PFKFB3: variants seen among roughly 807,000 people sequenced by gnomAD.
PFKFB3 encodes 6-phosphofructo-2-kinase/fructose-2,6-bisphosphatase 3.
Under a neutral mutation model 68.0 loss-of-function variants are expected in PFKFB3, and 33 were observed. The ratio of observed to expected loss-of-function variants is 0.49; its 90% CI spans 0.37 to 0.65. PFKFB3 has a LOEUF of 0.65. Ranked by LOEUF, PFKFB3 falls within the 30% of genes least tolerant of loss-of-function variation. The probability of loss-of-function intolerance (pLI) is 0.00; values close to 1 mark genes in which losing one functional copy is unlikely to be tolerated. For missense variants in PFKFB3, 586 were observed against 712.2 expected (o/e 0.82, Z 2.02); for synonymous variants, 315 against 288.2 (o/e 1.09, Z -0.94).
At chr10:6,280,729 G>A in the PFKFB3 span, among the ~76,000 whole-genome samples, 1 of 152,136 alleles carries the variant, frequency 6.6e-6, no homozygotes, top group African/African-American at 2.4e-5. Context: ...TAGAAGCAAG[G>A]GGGACTGTTC....
the PFKFB3 span, among the ~76,000 whole-genome samples, chr10:6,310,371 G>A: frequency 1.3e-5 from 2 of 152,078 alleles, no homozygotes; most frequent in Admixed American, 1.3e-4. Context: ...GCCAAGGTGG[G>A]AAATGGTGTC....
chr10:6,177,874 C>T (rs954605327), intron 1 of PFKFB3, among the ~76,000 whole-genome samples: 2 of 152,122 alleles, frequency 1.3e-5, no homozygotes, highest in Non-Finnish European at 2.9e-5. Context: ...ATGGTGTACA[C>T]CACTGACGGC....
chr10:6,294,143 A>G, the PFKFB3 span: 2 of 500,784 alleles, frequency 4.0e-6, no homozygotes, highest in East Asian at 5.5e-5. Context: ...CTTTATTTAA[A>G]CTCAGGCCTA....
chr10:6,281,166 C>CTCATATATATATATATATATATAT, the PFKFB3 span, among the ~76,000 whole-genome samples: 612 of 84,446 alleles, frequency 7.2e-3, 185 homozygotes, highest in South Asian at 0.017. Flanking sequence ...AGTATTCCAT[C>CTCATATATATATATATATATATAT]ATATATATAT....
At chr10:6,170,527 G>C (rs192525827) in intron 1 of PFKFB3, among the ~76,000 whole-genome samples, 1 of 152,222 alleles carries the variant, frequency 6.6e-6, no homozygotes, top group Non-Finnish European at 1.5e-5. Context: ...GGGCCACATA[G>C]ACCTCCTTCC....
chr10:6,249,199 A>G (rs75322806), intron 14 of PFKFB3, among the ~76,000 whole-genome samples: 3,400 of 146,862 alleles, frequency 0.023, 150 homozygotes, highest in African/African-American at 0.081. Context: ...AAAAAAAAAA[A>G]AAAAGAAAAG....
intron 1 of PFKFB3, among the ~76,000 whole-genome samples, chr10:6,177,534 T>A (rs1344948647): frequency 6.7e-6 from 1 of 149,806 alleles, no homozygotes; most frequent in East Asian, 1.9e-4. Context: ...CTTTTTCTTT[T>A]TTTTTTTTGA....
At chr10:6,191,071 G>A (rs1588447336) in intron 1 of PFKFB3, among the ~76,000 whole-genome samples, 1 of 152,210 alleles carries the variant, frequency 6.6e-6, no homozygotes, top group Non-Finnish European at 1.5e-5. Flanking sequence ...GGTGAGCCAC[G>A]ACACCCAGCC....
the PFKFB3 span, among the ~76,000 whole-genome samples, chr10:6,319,949 A>G: frequency 6.6e-6 from 1 of 152,200 alleles, no homozygotes; most frequent in Non-Finnish European, 1.5e-5. Context: ...CTGTAATCCT[A>G]GCACTTTGGG....
In PFKFB3 at chr10:6,222,533, C is replaced by A. The variant is rs567406763; in HGVS notation, c.1084-322C>A. 1.4e-4 allele frequency among the ~76,000 whole-genome samples: 22 copies of A among 152,332 alleles called. No homozygotes were observed. In the East Asian group the frequency reaches 4.2e-3, roughly 29 times the overall value. Reference sequence around the variant, plus strand: ...GCCCGGCCCAGCCCCGGCACCGGCCCGTCTGCTTCCTGCATCTGGATCTGC... The same window carrying A: ...GCCCGGCCCAGCCCCGGCACCGGCCAGTCTGCTTCCTGCATCTGGATCTGC... On this transcript the variant is annotated intron_variant, in intron 10 of 14. Transcript: ENST00000379775.
chr10:6,246,312 T>C (rs1199160733), intron 14 of PFKFB3, among the ~76,000 whole-genome samples: 1 of 150,262 alleles, frequency 6.7e-6, no homozygotes, highest in East Asian at 1.9e-4. Context: ...TACATTTTTA[T>C]TTTTATTTAT....
chr10:6,289,612 G>C, the PFKFB3 span, among the ~76,000 whole-genome samples: 3 of 150,638 alleles, frequency 2.0e-5, no homozygotes, highest in Admixed American at 1.3e-4. Flanking sequence ...CTGTAGCCTT[G>C]TAGTATAGTT....
chr10:6,186,843 T>C (rs1262032392), intron 1 of PFKFB3, among the ~76,000 whole-genome samples: 5 of 152,078 alleles, frequency 3.3e-5, no homozygotes, highest in Non-Finnish European at 7.4e-5. Context: ...TAGAAGGTGC[T>C]TGTTGAAAAA....
rs1846153611 is a variant in PFKFB3, at chr10:6,242,038, G to T, written c.1516-12140G>T. ...ATTTTTAAATTTTTTGTGGAGTTGG[G>T]TGTCACTATTTTGCCCAGGCTGGTC... On this transcript the variant is annotated intron_variant, in intron 14 of 14. Coordinates refer to the PFKFB3 transcript ENST00000640683. 2.6e-5 allele frequency among the ~76,000 whole-genome samples: 4 copies of T among 151,812 alleles called. No individual in the cohort carries two copies. The South Asian group carries it at 8.3e-4, about 32-fold the overall frequency.
At chr10:6,183,727 A>G (rs1022696256) in intron 1 of PFKFB3, among the ~76,000 whole-genome samples, 11 of 149,388 alleles carry the variant, frequency 7.4e-5, no homozygotes, top group Admixed American at 2.7e-4. Context: ...TCGCTCTGTC[A>G]CCCAGGCTGG....
the PFKFB3 span, among the ~76,000 whole-genome samples, chr10:6,313,420 C>T: frequency 4.6e-5 from 7 of 152,198 alleles, no homozygotes; most frequent in East Asian, 1.9e-4. The surrounding 1 kb of genome is among the most constrained non-coding windows in gnomAD (Gnocchi z 4.2). Flanking sequence ...GTGCCGAACA[C>T]GCTGGGTGCT....
chr10:6,227,428 G>A (rs1845431781), intron 14 of PFKFB3, among the ~76,000 whole-genome samples: 1 of 152,206 alleles, frequency 6.6e-6, no homozygotes, highest in Admixed American at 6.5e-5. Context: ...ACCTCTTCCC[G>A]CCTTTTCCGA....
chr10:6,233,693 C>T lies in PFKFB3; in HGVS notation c.*751C>T, dbSNP rs1845877783. 1 of 152,864 alleles carries T rather than the reference C, an allele frequency of 6.5e-6. No homozygotes were observed. The highest frequency in any genetic ancestry group is 6.5e-5 in the Admixed American group (1 of 15,294). 9.5% of individuals were successfully genotyped at this position (152,864 alleles called of 1,614,324 possible). On this transcript the variant is annotated 3_prime_UTR_variant, in exon 15 of 15. Transcript: ENST00000379775. ...CCAGGGAGCTCCAGGGCCCCTCTCTCCTCCCACCTGGACTTGGGGGGAACT... is the reference window on the plus strand; with the variant it reads ...CCAGGGAGCTCCAGGGCCCCTCTCTTCTCCCACCTGGACTTGGGGGGAACT...
chr10:6,292,266 CTTTTTTTTTTTCTTTTTTTTTT>C, the PFKFB3 span, among the ~76,000 whole-genome samples: 4 of 107,264 alleles, frequency 3.7e-5, no homozygotes, highest in Admixed American at 2.1e-4. Flanking sequence ...AACCAGTGTA[CTTTTTTTTTTTCTTTTTTTTTT>C]TTTTTTTTTT....
Sources: allele counts gnomAD v4.1 joint callset (sites outside exome capture counted in the v4.1 genomes callset), GRCh38; gene constraint gnomAD v4.1.1; non-coding constraint Gnocchi (gnomAD v3.1); transcripts MANE v1.5; gene names NCBI Gene and HGNC (gene_info 2026-07-23, HGNC 2026-07-21).